The following HECW1 variants were observed in gnomAD, a reference collection of about 807,000 sequenced individuals.
The protein encoded by HECW1 is HECT, C2 and WW domain containing E3 ubiquitin protein ligase 1.
Under a neutral mutation model 182.3 loss-of-function variants are expected in HECW1, and 61 were observed. That is an observed-to-expected ratio of 0.33 (90% CI 0.27 to 0.41). The LOEUF (loss-of-function observed/expected upper bound fraction) is 0.41. Ranked by LOEUF, HECW1 falls within the 10% of genes least tolerant of loss-of-function variation. HECW1 has a pLI of 1.00. For missense variants in HECW1, 1,739 were observed against 2,108.9 expected (o/e 0.82, Z 3.44); for synonymous variants, 859 against 832.6 (o/e 1.03, Z -0.55).
In HECW1 at chr7:43,541,879, T is replaced by G. The variant is rs771507037; in HGVS notation, c.4129T>G (p.Leu1377Val). 2 of 1,522,674 alleles carry G rather than the reference T, an allele frequency of 1.3e-6. No homozygotes were observed. Among genetic ancestry groups the G allele is most frequent in the Non-Finnish European group, 1.8e-6 (2 of 1,135,748 alleles). 94.3% of individuals were successfully genotyped at this position (1,522,674 alleles called of 1,614,324 possible). The part of the protein sequence containing the change: ...YKALLRLPCD[L>V]SDLEYLDEEF... ...ACTGAATTCACCCAGGCCCTGTGATTTGAGTGACCTGGAATATTTGGATGA... is the reference window on the plus strand; with the variant it reads ...ACTGAATTCACCCAGGCCCTGTGATGTGAGTGACCTGGAATATTTGGATGA... Residue 1377 changes from leucine (L) to valine (V), a missense_variant, in exon 26 of 30, where the codon TTG becomes GTG. Leu to Val is a conservative substitution (Grantham distance 32). Around this residue, in one of 5 missense-constraint regions of HECW1, gnomAD observed 420 missense variants for 595.7 expected, o/e 0.71. Transcript: ENST00000395891.
At chr7:43,461,936 CT>C (rs1160216518) in intron 13 of HECW1, among the ~76,000 whole-genome samples, 2 of 152,198 alleles carry the variant, frequency 1.3e-5, no homozygotes, top group African/African-American at 2.4e-5. Flanking sequence ...TCCTAAAGAA[CT>C]CGTTAGAAAT....
At chr7:43,429,936 C>T (rs2076488524) in intron 8 of HECW1, among the ~76,000 whole-genome samples, 1 of 152,214 alleles carries the variant, frequency 6.6e-6, no homozygotes, top group African/African-American at 2.4e-5. Flanking sequence ...TTAAGACTAA[C>T]CTTCCTCCAC....
chr7:43,389,552 G>A (rs1442934356), intron 6 of HECW1, among the ~76,000 whole-genome samples: 1 of 152,118 alleles, frequency 6.6e-6, no homozygotes, highest in Non-Finnish European at 1.5e-5. Context: ...ATCTACTATT[G>A]GATTAATCTC....
At chr7:43,161,660 G>A (rs980946443) in intron 2 of HECW1, 1 of 152,232 alleles carries the variant, frequency 6.6e-6, no homozygotes, top group Admixed American at 6.5e-5. Context: ...AAGTATTCAA[G>A]CTAAGGTTGG....
chr7:43,397,949 G>A (rs1351020585), intron 7 of HECW1, among the ~76,000 whole-genome samples: 1 of 152,184 alleles, frequency 6.6e-6, no homozygotes, highest in Non-Finnish European at 1.5e-5. Flanking sequence ...TGTAAACCCA[G>A]AATTATATAA....
chr7:43,222,860 C>G (rs892489437), intron 2 of HECW1, among the ~76,000 whole-genome samples: 1 of 152,136 alleles, frequency 6.6e-6, no homozygotes, highest in African/African-American at 2.4e-5. Context: ...CACTCCCTGC[C>G]CTGGTCATCC....
chr7:43,293,934 T>C (rs1359463686), intron 3 of HECW1, among the ~76,000 whole-genome samples: 1 of 152,116 alleles, frequency 6.6e-6, no homozygotes, highest in Non-Finnish European at 1.5e-5. Context: ...TGAACCCTAT[T>C]GTGAACTGCA....
intron 2 of HECW1, among the ~76,000 whole-genome samples, chr7:43,212,982 C>A (rs184138363): frequency 6.6e-6 from 1 of 152,112 alleles, no homozygotes; most frequent in East Asian, 1.9e-4. Flanking sequence ...ATATTTAAAG[C>A]ATGAGCTAAG....
At chr7:43,309,348 C>G (rs145456651) in intron 3 of HECW1, among the ~76,000 whole-genome samples, 1 of 152,106 alleles carries the variant, frequency 6.6e-6, no homozygotes, top group African/African-American at 2.4e-5. Flanking sequence ...CTGCTTACCC[C>G]GGACAAATGT....
At position 43,356,061 on chromosome 7, in the gene HECW1, A is replaced by T. The variant is rs116002791; in HGVS notation, c.461-4825A>T. On this transcript the variant is annotated intron_variant, in intron 5 of 29. Coordinates refer to ENST00000395891, the MANE Select transcript of HECW1 (RefSeq NM_015052.5). ...CAGTAATCAGTCCTTACTTATCAAT[A>T]ATAATAACAAATATAAATATGCTCA... 1.7e-3 allele frequency among the ~76,000 whole-genome samples: 255 copies of T among 152,236 alleles called. 1 individual carries two copies. The highest frequency in any genetic ancestry group is 6.1e-3 in the African/African-American group (253 of 41,556).
At chr7:43,368,138 C>A (rs1023795399) in intron 6 of HECW1, among the ~76,000 whole-genome samples, 1 of 152,204 alleles carries the variant, frequency 6.6e-6, no homozygotes, top group East Asian at 1.9e-4. Flanking sequence ...CAAGACAAAT[C>A]CCCATGCTCA....
chr7:43,458,447 A>G (rs1411159649), intron 13 of HECW1, among the ~76,000 whole-genome samples: 1 of 152,242 alleles, frequency 6.6e-6, no homozygotes, highest in Non-Finnish European at 1.5e-5. Context: ...TAAGTTTTAT[A>G]GCCTTTGATA....
chr7:43,278,962 G>A (rs1300199366), intron 3 of HECW1, among the ~76,000 whole-genome samples: 2 of 152,208 alleles, frequency 1.3e-5, no homozygotes, highest in African/African-American at 4.8e-5. Context: ...ATTTCTGTCT[G>A]TGTTTGCTGC....
chr7:43,343,949 C>T (rs1270838807), intron 5 of HECW1, among the ~76,000 whole-genome samples: 1 of 151,828 alleles, frequency 6.6e-6, no homozygotes, highest in Non-Finnish European at 1.5e-5. Context: ...GATCGCCATT[C>T]TAACTGGTGT....
chr7:43,121,914 A>G (rs913179016), intron 2 of HECW1: 3 of 152,174 alleles, frequency 2.0e-5, no homozygotes, highest in Non-Finnish European at 4.4e-5. Flanking sequence ...CTTTCTCCGA[A>G]TGTGAAATGA....
chr7:43,510,694 G>T (rs1585136471), intron 24 of HECW1, among the ~76,000 whole-genome samples: 2 of 152,192 alleles, frequency 1.3e-5, no homozygotes, highest in Non-Finnish European at 2.9e-5. Context: ...CCAAGTTAGG[G>T]GGTCAGGGAG....
In HECW1 at chr7:43,529,012, T is replaced by C. The variant is rs1168468850; in HGVS notation, c.4020-12151T>C. 2.6e-5 allele frequency among the ~76,000 whole-genome samples: 4 copies of C among 152,182 alleles called. No homozygotes were observed. The East Asian group carries it at 7.7e-4, about 29-fold the overall frequency. ...CCCCAAAACAGTATCTGAATAAAGG[T>C]GGGTGTAGAGAATAGACCAAACCTA... is the stretch of plus-strand genomic sequence containing the variant. On this transcript the variant is annotated intron_variant, in intron 24 of 29. Transcript: ENST00000395891.
At chr7:43,127,284 G>A (rs572712199) in intron 2 of HECW1, among the ~76,000 whole-genome samples, 26 of 152,252 alleles carry the variant, frequency 1.7e-4, no homozygotes, top group African/African-American at 6.3e-4. Context: ...AGCACTTTGG[G>A]AGGCCGAGGC....
At chr7:43,422,510 A>C (rs2076218612) in intron 8 of HECW1, among the ~76,000 whole-genome samples, 1 of 151,042 alleles carries the variant, frequency 6.6e-6, no homozygotes, top group Non-Finnish European at 1.5e-5. Context: ...TTACAGACAC[A>C]CATCACTACG....
Sources: allele counts gnomAD v4.1 joint callset (sites outside exome capture counted in the v4.1 genomes callset), GRCh38; gene constraint gnomAD v4.1.1; regional missense constraint gnomAD v4.1.1; transcripts MANE v1.5; gene names NCBI Gene and HGNC (gene_info 2026-07-23, HGNC 2026-07-21).